UGT2B4: variants seen among roughly 807,000 people sequenced by gnomAD.
UGT2B4 encodes the protein UDP-glucuronosyltransferase 2B4.
A neutral mutation model predicts 49.8 loss-of-function variants in UGT2B4; 49 were observed. The ratio of observed to expected loss-of-function variants is 0.98; its 90% CI spans 0.78 to 1.25. The LOEUF is 1.25. Ranked by LOEUF, UGT2B4 falls within the 50% of genes most tolerant of loss-of-function variation. UGT2B4 has a pLI of 0.00. For missense variants in UGT2B4, 729 were observed against 627.7 expected (o/e 1.16, Z -1.73); for synonymous variants, 246 against 217.7 (o/e 1.13, Z -1.14).
At chr4:69,481,008 G>A (rs1221515156) in intron 5 of UGT2B4, 98 bp from the exon 6 acceptor site, 3 of 1,414,014 alleles carry the variant, frequency 2.1e-6, no homozygotes, top group Non-Finnish European at 2.9e-6. Flanking sequence ...CGAGGTCGAG[G>A]CGGGCGGATC....
At chr4:69,488,298 T>G (rs917136349) in intron 3 of UGT2B4, among the ~76,000 whole-genome samples, 1 of 152,120 alleles carries the variant, frequency 6.6e-6, no homozygotes, top group Non-Finnish European at 1.5e-5. Flanking sequence ...ACTTAGAAAA[T>G]GTGCTACAAA....
intron 1 of UGT2B4, among the ~76,000 whole-genome samples, chr4:69,524,111 G>A (rs949041783): frequency 4.3e-4 from 43 of 99,874 alleles, no homozygotes; most frequent in African/African-American, 1.4e-3. Context: ...TCACGTCAGC[G>A]ATAATGCAGA....
upstream of UGT2B4, among the ~76,000 whole-genome samples, chr4:69,499,999 T>C (rs985926013): frequency 2.6e-5 from 4 of 152,206 alleles, no homozygotes; most frequent in African/African-American, 7.2e-5. Context: ...TCAACCCAAA[T>C]GCCCATCAAT....
chr4:69,502,089 C>CTTTT (rs879676979), intron 1 of UGT2B4, among the ~76,000 whole-genome samples: 1 of 84,054 alleles, frequency 1.2e-5, no homozygotes, highest in Non-Finnish European at 2.5e-5. Context: ...CTTTCTTTCT[C>CTTTT]TCTCTTTCTT....
intron 3 of UGT2B4, 86 bp downstream of exon 3, chr4:69,489,353 G>T (rs2109808478): frequency 6.5e-7 from 1 of 1,546,714 alleles, no homozygotes. Flanking sequence ...GAATATATAG[G>T]CAGGAAGTTT....
At chr4:69,498,054 C>T (rs1428446915), upstream of UGT2B4, among the ~76,000 whole-genome samples, 1 of 152,208 alleles carries the variant, frequency 6.6e-6, no homozygotes, top group African/African-American at 2.4e-5. Context: ...AGTGTTACTA[C>T]TTTTAGCAAA....
rs1188526002 is a variant in UGT2B4, at chr4:69,495,797, C to T, written c.65G>A (p.Ser22Asn). ...IQLSCYFSSG[S>N]CGKVLVWPTE... is the part of the protein sequence containing the mutation. ...GGGCCACACCAGCACCTTTCCACAA[C>T]TCCCAGAGCTAAAGTAACAGCTCAG... The change falls in exon 1 of 6, where the codon AGT (serine) becomes AAT (asparagine). Residue 22 changes from serine to asparagine, a missense_variant. Coordinates refer to ENST00000305107, the MANE Select transcript of UGT2B4 (RefSeq NM_021139.3). 2 of 1,613,326 alleles carry T rather than the reference C, an allele frequency of 1.2e-6. No homozygotes were observed. The highest frequency in any genetic ancestry group is 2.2e-5 in the East Asian group (1 of 44,864).
At chr4:69,501,345 C>T (rs1728313525) in intron 1 of UGT2B4, among the ~76,000 whole-genome samples, 1 of 152,132 alleles carries the variant, frequency 6.6e-6, no homozygotes, top group African/African-American at 2.4e-5. Context: ...CTGTTCCTTC[C>T]TATTGGGCGG....
intron 1 of UGT2B4, among the ~76,000 whole-genome samples, chr4:69,522,140 G>A (rs988534303): frequency 1.8e-4 from 28 of 152,090 alleles, no homozygotes; most frequent in Non-Finnish European, 1.5e-5. Context: ...CAGCCTTCTA[G>A]AATATGAAAA....
intron 1 of UGT2B4, among the ~76,000 whole-genome samples, chr4:69,517,417 T>C (rs911823832): frequency 1.3e-4 from 20 of 152,202 alleles, no homozygotes; most frequent in Non-Finnish European, 2.1e-4. Flanking sequence ...TTCAATGATC[T>C]GTGGTGTAGT....
At chr4:69,499,936 A>G (rs966932573), upstream of UGT2B4, among the ~76,000 whole-genome samples, 1 of 152,244 alleles carries the variant, frequency 6.6e-6, no homozygotes, top group Non-Finnish European at 1.5e-5. Flanking sequence ...TTTTAAAGAT[A>G]CATGCACACA....
chr4:69,522,408 C>A (rs182310465), intron 1 of UGT2B4, among the ~76,000 whole-genome samples: 44 of 152,248 alleles, frequency 2.9e-4, no homozygotes, highest in Non-Finnish European at 5.6e-4. Flanking sequence ...TAGTTCCAGA[C>A]AATTGCAATA....
rs752751624 is a variant in UGT2B4, at chr4:69,480,640, T to A, written c.1581A>T (p.Arg527Ser). ...CTTCCAGCCTCAGACGTAATTAATC[T>A]CTTTTCCCCTTCTTTCCTGTTCTAA... is the stretch of plus-strand genomic sequence containing the variant. ...KFVRTGKKGK[R>S]D Residue 527 changes from arginine (R) to serine (S), a missense_variant, in exon 6 of 6, where the codon AGA becomes AGT. Transcript: ENST00000305107. 6.2e-7 allele frequency: 1 copy of A among 1,613,540 alleles called. No homozygotes were observed. The highest frequency in any genetic ancestry group is 1.1e-5 in the South Asian group (1 of 91,046).
chr4:69,511,990 A>G (rs1012403499), intron 1 of UGT2B4, among the ~76,000 whole-genome samples: 9 of 151,924 alleles, frequency 5.9e-5, no homozygotes, highest in African/African-American at 2.2e-4. Context: ...ATTCTGAGGC[A>G]TTAGTTGCAA....
rs527491642 is a variant in UGT2B4 at position 69,509,482 on chromosome 4, C to T, written c.-105-13516G>A. Among the ~76,000 whole-genome samples, 7 of 152,216 alleles carry T rather than the reference C, an allele frequency of 4.6e-5. No homozygotes were observed. In the East Asian group the frequency reaches 1.2e-3, roughly 25 times the overall value. On this transcript the variant is annotated intron_variant, in intron 1 of 1. Transcript: ENST00000510114. ...TACAAGAGTTTTGATTTCTCCATAT[C>T]CAAGCCAACAATTGTGTGTGTGTTT...
At chr4:69,512,132 A>G (rs1728619185) in intron 1 of UGT2B4, among the ~76,000 whole-genome samples, 1 of 150,424 alleles carries the variant, frequency 6.6e-6, no homozygotes, top group African/African-American at 2.4e-5. Flanking sequence ...TCCATTCTTA[A>G]TTACATGTAT....
intron 1 of UGT2B4, among the ~76,000 whole-genome samples, chr4:69,524,536 T>C (rs984203341): frequency 1.3e-5 from 2 of 152,082 alleles, no homozygotes; most frequent in Non-Finnish European, 2.9e-5. Context: ...GAAAAATCAC[T>C]GATCACAGCT....
At position 69,493,794 on chromosome 4, in the gene UGT2B4, G is replaced by C. The variant is rs1728065047; in HGVS notation, c.769C>G (p.Leu257Val). The change falls in exon 2 of 6, where the codon CTT (leucine) becomes GTT (valine). Residue 257 changes from leucine (L) to valine (V), a missense_variant. Physicochemically the swap from Leu to Val is conservative, Grantham distance 32. Transcript: ENST00000305107. The part of the protein sequence containing the change: ...SETMAKADIW[L>V]IRNYWDFQFP... ...TGAAAATCCCAGTAGTTTCGAATAA[G>C]CCATATGTCAGCTTTTGCCATTGTC... 2.5e-6 allele frequency: 4 copies of C among 1,607,746 alleles called. No individual in the cohort carries two copies. The African/African-American group carries it at 4.0e-5, about 16-fold the overall frequency.
At chr4:69,500,649 G>GAA (rs1448920154), upstream of UGT2B4, among the ~76,000 whole-genome samples, 2 of 134,696 alleles carry the variant, frequency 1.5e-5, no homozygotes, top group African/African-American at 5.1e-5. Flanking sequence ...AAGAAAGAAA[G>GAA]AAAGAAAGAA....
Sources: allele counts gnomAD v4.1 joint callset (sites outside exome capture counted in the v4.1 genomes callset), GRCh38; gene constraint gnomAD v4.1.1; transcripts MANE v1.5; gene names NCBI Gene and HGNC (gene_info 2026-07-23, HGNC 2026-07-21).